The following ACYP2 variants were observed in gnomAD, a reference collection of about 807,000 sequenced individuals.
The protein encoded by ACYP2 is acylphosphatase-2.
A neutral mutation model predicts 11.2 loss-of-function variants in ACYP2; 12 were observed. That is an observed-to-expected ratio of 1.08 (90% CI 0.69 to 1.74). The LOEUF (loss-of-function observed/expected upper bound fraction) is 1.74, where lower values mean the gene tolerates loss of function less well. ACYP2 is among the 40% of genes most tolerant of loss of function. The pLI is 0.00. For synonymous variants in ACYP2, 43 were observed against 32.2 expected, an observed-to-expected ratio of 1.33 and a Z score of -1.13; for missense variants, 134 against 101.9, an observed-to-expected ratio of 1.31 and a Z score of -1.35.
chr2:54,135,554 C>A, intron 5 of ACYP2, 85 bp downstream of exon 2: 2 of 1,130,054 alleles, frequency 1.8e-6, no homozygotes, highest in Non-Finnish European at 1.3e-6. Flanking sequence ...TTCTACTTGG[C>A]GCTAGTCTAC....
intron 6 of ACYP2, among the ~76,000 whole-genome samples, chr2:54,294,826 G>A (rs570306017): frequency 7.2e-5 from 11 of 151,968 alleles, no homozygotes; most frequent in East Asian, 3.9e-4. Context: ...TGAGGCGGGC[G>A]GATCCCCTGA....
intron 2 of ACYP2, among the ~76,000 whole-genome samples, chr2:54,025,109 C>T (rs773539048): frequency 1.8e-4 from 28 of 152,114 alleles, no homozygotes; most frequent in East Asian, 1.9e-4. Context: ...CATAAACAAA[C>T]GGAAACACAT....
chr2:54,239,320 G>A (rs1362337569), intron 6 of ACYP2, among the ~76,000 whole-genome samples: 1 of 152,166 alleles, frequency 6.6e-6, no homozygotes, highest in Non-Finnish European at 1.5e-5. Flanking sequence ...ATATTTCACT[G>A]CTTATAAAGA....
chr2:54,010,690 T>C (rs533437797), intron 2 of ACYP2, among the ~76,000 whole-genome samples: 1 of 151,588 alleles, frequency 6.6e-6, no homozygotes, highest in South Asian at 2.1e-4. Flanking sequence ...TGTAATCCAT[T>C]ATAATCTCTC....
At chr2:54,294,893 G>C (rs1689457415) in intron 6 of ACYP2, among the ~76,000 whole-genome samples, 1 of 149,904 alleles carries the variant, frequency 6.7e-6, no homozygotes, top group African/African-American at 2.5e-5. Flanking sequence ...TTCAGCCTGG[G>C]TGACAGAGTA....
chr2:54,039,819 T>TGTGTGTGTGTG (rs1675125815), intron 2 of ACYP2, among the ~76,000 whole-genome samples: 1 of 126,608 alleles, frequency 7.9e-6, no homozygotes, highest in Non-Finnish European at 1.6e-5. Flanking sequence ...TTGTTTTCTT[T>TGTGTGTGTGTG]TGTGTGTGTG....
At chr2:54,159,169 G>A (rs377061967) in intron 6 of ACYP2, among the ~76,000 whole-genome samples, 200 of 149,402 alleles carry the variant, frequency 1.3e-3, no homozygotes, top group Non-Finnish European at 1.9e-3. Context: ...AGCTCCCTGG[G>A]CTTTAAAAAA....
At chr2:54,224,575 G>C (rs1443898288) in intron 6 of ACYP2, among the ~76,000 whole-genome samples, 2 of 152,216 alleles carry the variant, frequency 1.3e-5, no homozygotes, top group Non-Finnish European at 2.9e-5. Context: ...ATGTAAAATA[G>C]GTGAAGGGTG....
At chr2:54,267,475 C>A in intron 6 of ACYP2, 1 of 937,338 alleles carries the variant, frequency 1.1e-6, no homozygotes. Context: ...GGTCCTAAAG[C>A]CTCCCTAGAT....
intron 3 of ACYP2, among the ~76,000 whole-genome samples, chr2:54,056,324 A>G (rs1278349520): frequency 1.3e-5 from 2 of 152,346 alleles, no homozygotes; most frequent in Non-Finnish European, 2.9e-5. Context: ...ATATTTGCCC[A>G]TCGTCCAGGA....
intron 6 of ACYP2, among the ~76,000 whole-genome samples, chr2:54,264,837 G>C (rs1034866265): frequency 6.6e-6 from 1 of 152,144 alleles, no homozygotes; most frequent in African/African-American, 2.4e-5. Flanking sequence ...ATGTTTAAAA[G>C]AATTACATGA....
chr2:54,075,110 A>G (rs892057577), intron 4 of ACYP2, among the ~76,000 whole-genome samples: 1 of 152,198 alleles, frequency 6.6e-6, no homozygotes, highest in Non-Finnish European at 1.5e-5. Flanking sequence ...GCAGTTCTAA[A>G]TATAGTAGCT....
chr2:54,006,227 A>G (rs1673056090), intron 2 of ACYP2, among the ~76,000 whole-genome samples: 1 of 152,084 alleles, frequency 6.6e-6, no homozygotes, highest in Non-Finnish European at 1.5e-5. Flanking sequence ...GGCTCACTGC[A>G]ACCTCTGCCT....
chr2:54,101,372 A>G (rs1176044455), intron 4 of ACYP2, among the ~76,000 whole-genome samples: 1 of 152,094 alleles, frequency 6.6e-6, no homozygotes, highest in Non-Finnish European at 1.5e-5. Flanking sequence ...GAGATTTATA[A>G]CTTAAGAACT....
At chr2:53,980,020 T>G (rs2104509370) in intron 2 of ACYP2, among the ~76,000 whole-genome samples, 1 of 152,128 alleles carries the variant, frequency 6.6e-6, no homozygotes, top group Non-Finnish European at 1.5e-5. Flanking sequence ...AAGCTAAGTA[T>G]TATTACAAAA....
At position 54,175,322 on chromosome 2, in the gene ACYP2, G is replaced by T. The variant is rs939924918; in HGVS notation, c.404+36574G>T. 2.0e-5 allele frequency among the ~76,000 whole-genome samples: 3 copies of T among 152,156 alleles called. 1 individual carries two copies. The highest frequency in any genetic ancestry group is 2.0e-4 in the Admixed American group (3 of 15,256). On this transcript the variant is annotated intron_variant, in intron 6 of 6. Coordinates refer to ENST00000607452, the MANE Select transcript of ACYP2 (RefSeq NM_001320586.2). Reference sequence around the variant, plus strand: ...TATTTTCTAGTTTATTTGCATAGAGGTGTTTTTAGTATTCTCTGATGGTAG... The same window carrying T: ...TATTTTCTAGTTTATTTGCATAGAGTTGTTTTTAGTATTCTCTGATGGTAG...
chr2:54,151,936 A>T (rs994481178), intron 6 of ACYP2, among the ~76,000 whole-genome samples: 5 of 152,138 alleles, frequency 3.3e-5, no homozygotes, highest in African/African-American at 1.2e-4. Flanking sequence ...TTAGGTTTGC[A>T]GAAAAATTGA....
At chr2:54,060,690 A>T (rs973721569) in intron 4 of ACYP2, among the ~76,000 whole-genome samples, 6 of 152,210 alleles carry the variant, frequency 3.9e-5, no homozygotes, top group African/African-American at 1.4e-4. Context: ...CTAGCCACCC[A>T]TGTGTAGTCA....
intron 6 of ACYP2, among the ~76,000 whole-genome samples, chr2:54,278,130 A>G (rs1487763306): frequency 1.3e-5 from 2 of 152,054 alleles, no homozygotes; most frequent in African/African-American, 4.8e-5. Flanking sequence ...GGCGCCCGCC[A>G]CCATGCCGAG....
Sources: gnomAD v4.1 joint callset for allele counts (sites outside exome capture counted in the v4.1 genomes callset) on GRCh38, gnomAD v4.1.1 for gene constraint, MANE v1.5 for transcripts, NCBI Gene and HGNC (gene_info 2026-07-23, HGNC 2026-07-21) for gene names.